The following RCBTB1 variants were observed in gnomAD, a reference collection of about 807,000 sequenced individuals.
RCBTB1 encodes RCC1 and BTB domain-containing protein 1.
A neutral mutation model predicts 62.4 loss-of-function variants in RCBTB1; 46 were observed. The ratio of observed to expected loss-of-function variants is 0.74; its 90% CI spans 0.58 to 0.94. The LOEUF is 0.94. Among genes scored for constraint, RCBTB1 ranks in the 40% least tolerant of loss-of-function variants. The pLI is 0.00. For missense variants in RCBTB1, 565 were observed against 654.9 expected, an observed-to-expected ratio of 0.86 and a Z score of 1.50; for synonymous variants, 222 against 245.8, an observed-to-expected ratio of 0.90 and a Z score of 0.91.
At chr13:49,542,529 T>C (rs1278473176) in intron 10 of RCBTB1, among the ~76,000 whole-genome samples, 1 of 152,142 alleles carries the variant, frequency 6.6e-6, no homozygotes, top group Non-Finnish European at 1.5e-5. Flanking sequence ...GAAACAAGAG[T>C]TCAAAACTTT....
intron 4 of RCBTB1, among the ~76,000 whole-genome samples, chr13:49,565,214 G>A (rs977191182): frequency 1.3e-5 from 2 of 152,170 alleles, no homozygotes; most frequent in African/African-American, 4.8e-5. Flanking sequence ...ACGGGGTTTC[G>A]CTGTGTTGGC....
chr13:49,551,689 A>T (rs1961358651), intron 7 of RCBTB1, among the ~76,000 whole-genome samples: 1 of 152,326 alleles, frequency 6.6e-6, no homozygotes, highest in Non-Finnish European at 1.5e-5. Flanking sequence ...TCACAAGGTC[A>T]GGAGATTGAG....
Position 49,566,609 on chromosome 13 carries a change from C to T in RCBTB1, c.277+9G>A, listed in dbSNP as rs1192481659. The stretch of plus-strand genomic sequence containing the variant: ...ACAAACTGAAAAGTTAGATGGGTTC[C>T]CTCCTTACCTTCGGTGCTGAGAAGA... On this transcript the variant is annotated intron_variant, in intron 4 of 12. Transcript: ENST00000378302. 6.2e-7 allele frequency: 1 copy of T among 1,610,806 alleles called. No individual in the cohort carries two copies. Among genetic ancestry groups the T allele is most frequent in the Admixed American group, 1.7e-5 (1 of 59,212 alleles).
chr13:49,581,791 G>C (rs1008608509), intron 1 of RCBTB1, among the ~76,000 whole-genome samples: 2 of 152,200 alleles, frequency 1.3e-5, no homozygotes, highest in African/African-American at 4.8e-5. Context: ...GTCGAATGCT[G>C]CTGAGACACC....
rs751123717 is a variant in RCBTB1 at position 49,534,273 on chromosome 13, A to C, written c.1456-11T>G. The C allele has an allele frequency of 1.2e-6, 2 of 1,603,042 alleles. No individual in the cohort carries two copies. Among genetic ancestry groups the C allele is most frequent in the Non-Finnish European group, 1.7e-6 (2 of 1,174,198 alleles). On this transcript the variant is annotated splice_polypyrimidine_tract_variant and intron_variant, in intron 12 of 12. Coordinates refer to ENST00000378302, the MANE Select transcript of RCBTB1 (RefSeq NM_018191.4). The stretch of plus-strand genomic sequence containing the variant: ...GAATTCTTCTAAATCCTGGACACAC[A>C]ACAAAAATAAAAACAAAAATGGCTT...
chr13:49,585,059 GGAGA>G (rs749003892), intron 1 of RCBTB1, among the ~76,000 whole-genome samples: 1 of 152,216 alleles, frequency 6.6e-6, no homozygotes, highest in Non-Finnish European at 1.5e-5. Flanking sequence ...ATCTTGGAAA[GGAGA>G]GAGAATAGGA....
chr13:49,544,950 G>A (rs1213843661), intron 9 of RCBTB1, 87 bp from the exon 10 acceptor site: 1 of 1,005,736 alleles, frequency 9.9e-7, no homozygotes, highest in African/African-American at 1.6e-5. Flanking sequence ...TCATGACCGT[G>A]ATGGATAATT....
chr13:49,566,307 A>AAAT (rs1566256866), intron 4 of RCBTB1, among the ~76,000 whole-genome samples: 3 of 151,628 alleles, frequency 2.0e-5, no homozygotes, highest in South Asian at 4.2e-4. Context: ...AATAAATAAA[A>AAAT]AAGTTGCATT....
At chr13:49,575,513 C>T (rs35734605) in intron 2 of RCBTB1, among the ~76,000 whole-genome samples, 10,400 of 151,296 alleles carry the variant, frequency 0.069, 488 homozygotes, top group Non-Finnish European at 0.11. Flanking sequence ...CCTAGGTGCC[C>T]GTTGACAGTA....
At chr13:49,554,775 C>T (rs949617542) in intron 6 of RCBTB1, among the ~76,000 whole-genome samples, 8 of 152,142 alleles carry the variant, frequency 5.3e-5, no homozygotes, top group Admixed American at 1.3e-4. Flanking sequence ...AAAACCATGC[C>T]CCCAACACCG....
intron 4 of RCBTB1, 87 bp from the exon 5 acceptor site, chr13:49,560,171 C>G: frequency 2.1e-6 from 3 of 1,421,124 alleles, no homozygotes; most frequent in Non-Finnish European, 2.9e-6. Context: ...ACAGCTCCTT[C>G]TCCAACCTTC....
At chr13:49,554,629 T>A (rs1428071442) in intron 6 of RCBTB1, among the ~76,000 whole-genome samples, 1 of 152,036 alleles carries the variant, frequency 6.6e-6, no homozygotes, top group Non-Finnish European at 1.5e-5. Context: ...CCACCTCCTG[T>A]CAGATCAATG....
At chr13:49,575,848 T>C (rs1050319946) in intron 2 of RCBTB1, among the ~76,000 whole-genome samples, 1 of 152,150 alleles carries the variant, frequency 6.6e-6, no homozygotes, top group Non-Finnish European at 1.5e-5. Context: ...TCACACGCTA[T>C]ACCCATGTAA....
rs1188302474 is a variant in RCBTB1 at position 49,558,702 on chromosome 13, A to G, written c.444+1216T>C. Among the ~76,000 whole-genome samples the G allele has an allele frequency of 5.9e-5, 9 of 151,374 alleles. No individual in the cohort carries two copies. The East Asian group carries it at 1.7e-3, about 29-fold the overall frequency. On this transcript the variant is annotated intron_variant, in intron 5 of 12. Transcript: ENST00000378302. Reference sequence around the variant, plus strand: ...AGGGTGAAACTCTGTCTCCAAAAAAAAAAAAAAAAAAAAAATTCACAAAGT... The same window carrying G: ...AGGGTGAAACTCTGTCTCCAAAAAAGAAAAAAAAAAAAAAATTCACAAAGT...
In RCBTB1 at chr13:49,540,993, C is replaced by G; in HGVS notation, c.1338G>C (p.Leu446Phe). The G allele has an allele frequency of 6.2e-7, 1 of 1,611,994 alleles. No homozygotes were observed. Among genetic ancestry groups the G allele is most frequent in the Non-Finnish European group, 8.5e-7 (1 of 1,179,768 alleles). Residue 446 changes from leucine (L) to phenylalanine (F), a missense_variant, in exon 12 of 13, where the codon TTG (leucine) becomes TTC (phenylalanine). Transcript: ENST00000378302. ...PPEDAIGLLD[L>F]ATSYCENRLK... The stretch of plus-strand genomic sequence containing the variant: ...GTCTGTTTTCACAGTAAGATGTCGC[C>G]AAATCCAGAAGACCTAAAAGTAAAA...
intron 11 of RCBTB1, 57 bp downstream of exon 11, chr13:49,541,619 T>C (rs1960367364): frequency 1.3e-6 from 2 of 1,496,630 alleles, no homozygotes; most frequent in East Asian, 2.3e-5. Flanking sequence ...GGACTAAGAA[T>C]ATGAGGGGAT....
chr13:49,565,359 T>C (rs1566254443), intron 4 of RCBTB1, among the ~76,000 whole-genome samples: 4 of 152,036 alleles, frequency 2.6e-5, no homozygotes, highest in Admixed American at 2.0e-4. Context: ...TGATCTCGGC[T>C]AGCTACGACC....
rs576811245 is a variant in RCBTB1 at position 49,548,118 on chromosome 13, G to A, written c.1045+1340C>T. On this transcript the variant is annotated intron_variant, in intron 9 of 12. Transcript: ENST00000378302. ...TTGAAAGTTCATTTTTGGACCAGGC[G>A]CAGTGGCTCACGCCTGTAATCCCAG... is the stretch of plus-strand genomic sequence containing the variant. Among the ~76,000 whole-genome samples the A allele has an allele frequency of 2.6e-5, 4 of 152,168 alleles. No individual in the cohort carries two copies. The East Asian group carries it at 5.8e-4, about 22-fold the overall frequency.
intron 4 of RCBTB1, 55 bp downstream of exon 4, chr13:49,566,563 G>T: frequency 1.9e-6 from 3 of 1,556,110 alleles, no homozygotes; most frequent in South Asian, 1.2e-5. Context: ...CCTAAGCTTA[G>T]AATTAACCGG....
Sources: allele counts gnomAD v4.1 joint callset (sites outside exome capture counted in the v4.1 genomes callset), GRCh38; gene constraint gnomAD v4.1.1; transcripts MANE v1.5; gene names NCBI Gene and HGNC (gene_info 2026-07-23, HGNC 2026-07-21).